The following FBXL2 variants were observed in gnomAD, a reference collection of about 807,000 sequenced individuals.
The protein encoded by FBXL2 is F-box/LRR-repeat protein 2.
Under a neutral mutation model 69.2 loss-of-function variants are expected in FBXL2, and 38 were observed. That is an observed-to-expected ratio of 0.55 (90% CI 0.42 to 0.72). The LOEUF (loss-of-function observed/expected upper bound fraction) is 0.72, where lower values mean the gene tolerates loss of function less well. FBXL2 is among the 30% of genes least tolerant of loss of function. The probability of loss-of-function intolerance (pLI) is 0.00; values close to 1 mark genes in which losing one functional copy is unlikely to be tolerated. For synonymous variants in FBXL2, 192 were observed against 201.3 expected (o/e 0.95, Z 0.39); for missense variants, 354 against 520.3 (o/e 0.68, Z 3.11).
intron 12 of FBXL2, chr3:33,393,411 A>G (rs767105399): frequency 1.9e-6 from 3 of 1,613,690 alleles, no homozygotes; most frequent in Non-Finnish European, 2.5e-6. Context: ...GTTTTCGAGC[A>G]ACTTCTGAGG....
intron 1 of FBXL2, among the ~76,000 whole-genome samples, chr3:33,290,970 C>T (rs1367041705): frequency 6.6e-6 from 1 of 151,606 alleles, no homozygotes; most frequent in Admixed American, 6.6e-5. Flanking sequence ...CACTCTGTTG[C>T]TCAGGCTGGA....
chr3:33,328,793 G>T (rs898807697), intron 2 of FBXL2, among the ~76,000 whole-genome samples: 3 of 131,120 alleles, frequency 2.3e-5, no homozygotes, highest in African/African-American at 6.3e-5. Flanking sequence ...GCAAATTTGT[G>T]TGTGTGCATG....
chr3:33,311,899 A>G (rs2037237665), intron 2 of FBXL2, among the ~76,000 whole-genome samples: 1 of 152,176 alleles, frequency 6.6e-6, no homozygotes, highest in Non-Finnish European at 1.5e-5. Context: ...CTGGGATTAC[A>G]GGCATGCGCT....
intron 2 of FBXL2, among the ~76,000 whole-genome samples, chr3:33,357,531 CTTT>C (rs11425930): frequency 3.1e-5 from 4 of 129,428 alleles, no homozygotes; most frequent in Non-Finnish European, 3.1e-5. Flanking sequence ...TCCACTGAGT[CTTT>C]TTTTTTTTTT....
At chr3:33,287,041 C>G (rs899933272) in intron 1 of FBXL2, among the ~76,000 whole-genome samples, 6 of 152,160 alleles carry the variant, frequency 3.9e-5, no homozygotes, top group African/African-American at 1.4e-4. Context: ...TCCGACAAGC[C>G]CCAGTGAGAT....
At chr3:33,343,392 G>A (rs1180345463) in intron 2 of FBXL2, among the ~76,000 whole-genome samples, 1 of 151,448 alleles carries the variant, frequency 6.6e-6, no homozygotes, top group Non-Finnish European at 1.5e-5. Flanking sequence ...TGAAACTTCA[G>A]CCTAGTGAAG....
intron 1 of FBXL2, among the ~76,000 whole-genome samples, chr3:33,289,387 T>A (rs1047356878): frequency 6.6e-6 from 1 of 152,112 alleles, no homozygotes; most frequent in East Asian, 1.9e-4. Context: ...TGTTGCAAAT[T>A]GCAACAGTTG....
chr3:33,377,143 C>T (rs2042693356), intron 10 of FBXL2, 130 bp from the exon 11 acceptor site: 4 of 845,574 alleles, frequency 4.7e-6, no homozygotes, highest in Admixed American at 1.9e-5. Flanking sequence ...GGTCACATTC[C>T]CTAAGGGCTG....
intron 13 of FBXL2, among the ~76,000 whole-genome samples, chr3:33,379,377 C>CA (rs1246055028): frequency 6.6e-6 from 1 of 151,942 alleles, no homozygotes; most frequent in Admixed American, 6.6e-5. Context: ...TTTTTTGAGA[C>CA]AGAGTCTTGC....
intron 13 of FBXL2, among the ~76,000 whole-genome samples, chr3:33,379,841 T>A (rs1428229555): frequency 6.6e-6 from 1 of 152,200 alleles, no homozygotes; most frequent in African/African-American, 2.4e-5. Context: ...GACACAAGTG[T>A]AGTTTAATAT....
At chr3:33,391,105 T>C (rs1327539986), downstream of FBXL2, 1 of 152,268 alleles carries the variant, frequency 6.6e-6, no homozygotes, top group Non-Finnish European at 1.5e-5. Flanking sequence ...GGTACTAGGC[T>C]AAAGATGTTT....
intron 2 of FBXL2, among the ~76,000 whole-genome samples, chr3:33,351,311 A>T (rs548301175): frequency 4.6e-5 from 7 of 152,234 alleles, no homozygotes; most frequent in Non-Finnish European, 1.0e-4. Flanking sequence ...ATTAGCAATT[A>T]TAGTAAGGTT....
At chr3:33,396,482 C>T (rs991121753) in intron 12 of FBXL2, 7 of 507,102 alleles carry the variant, frequency 1.4e-5, no homozygotes, top group Non-Finnish European at 2.5e-5. Flanking sequence ...ATATGATGAT[C>T]CAGACTCTAA....
chr3:33,416,150 G>A, the FBXL2 span: 1 of 152,168 alleles, frequency 6.6e-6, no homozygotes, highest in Non-Finnish European at 1.5e-5. Flanking sequence ...CTAACACTTA[G>A]TTAGCCACAT....
chr3:33,340,896 A>C (rs918015247), intron 2 of FBXL2, among the ~76,000 whole-genome samples: 1,185 of 41,498 alleles, frequency 0.029, 9 homozygotes, highest in African/African-American at 0.11. Flanking sequence ...TCCTTTGCCC[A>C]AAAAAAAAAA....
chr3:33,291,474 T>C (rs1384894215), intron 1 of FBXL2, among the ~76,000 whole-genome samples: 1 of 152,200 alleles, frequency 6.6e-6, no homozygotes. Context: ...ATAAGGGACC[T>C]TTTAAAATAT....
chr3:33,415,863 A>G, the FBXL2 span: 1 of 152,174 alleles, frequency 6.6e-6, no homozygotes, highest in African/African-American at 2.4e-5. Context: ...TTGGTAACCC[A>G]TCATTTGATC....
At chr3:33,407,103 TA>T (rs2044447565), downstream of FBXL2, among the ~76,000 whole-genome samples, 1 of 152,202 alleles carries the variant, frequency 6.6e-6, no homozygotes, top group Non-Finnish European at 1.5e-5. Context: ...TGACAATCTG[TA>T]CCCTGCATTT....
At chr3:33,334,620 C>A (rs1052174034) in intron 2 of FBXL2, among the ~76,000 whole-genome samples, 1 of 152,100 alleles carries the variant, frequency 6.6e-6, no homozygotes, top group African/African-American at 2.4e-5. Context: ...ATAGGGCATA[C>A]AAGTGTTTGA....
Sources: allele counts gnomAD v4.1 joint callset (sites outside exome capture counted in the v4.1 genomes callset), GRCh38; gene constraint gnomAD v4.1.1; transcripts MANE v1.5; gene names NCBI Gene and HGNC (gene_info 2026-07-23, HGNC 2026-07-21).